Variants in PTGFR observed in about 807,000 individuals in gnomAD.
The protein encoded by PTGFR is prostaglandin F receptor.
In PTGFR, 15 loss-of-function variants were observed where a neutral mutation model predicts 26.2. The observed-to-expected ratio is 0.57, with a 90% CI of 0.38 to 0.88. The LOEUF (loss-of-function observed/expected upper bound fraction) is 0.88. Among genes scored for constraint, PTGFR ranks in the 40% least tolerant of loss-of-function variants. PTGFR has a pLI of 0.00. For synonymous variants in PTGFR, 165 were observed against 151.1 expected, an observed-to-expected ratio of 1.09 and a Z score of -0.68; for missense variants, 369 against 427.2, an observed-to-expected ratio of 0.86 and a Z score of 1.20.
At chr1:78,526,325 GAGATAGTGTTAA>G in intron 2 of PTGFR, among the ~76,000 whole-genome samples, 1 of 152,174 alleles carries the variant, frequency 6.6e-6, no homozygotes, top group East Asian at 1.9e-4. Flanking sequence ...TGCATTTCTA[GAGATAGTGTTAA>G]ATGAGATCAC....
At chr1:78,500,397 TA>T (rs1317577044) in intron 2 of PTGFR, among the ~76,000 whole-genome samples, 3 of 152,246 alleles carry the variant, frequency 2.0e-5, no homozygotes, top group Admixed American at 1.3e-4. Flanking sequence ...GAATTTCCTT[TA>T]GCTGAAAGTA....
intron 2 of PTGFR, among the ~76,000 whole-genome samples, chr1:78,510,853 TTCTCA>T (rs1649949431): frequency 6.6e-6 from 1 of 152,170 alleles, no homozygotes; most frequent in Admixed American, 6.5e-5. Context: ...TAGGTAAACA[TTCTCA>T]TTCCCAAAGG....
At chr1:78,516,292 C>G (rs1650089215) in intron 2 of PTGFR, among the ~76,000 whole-genome samples, 1 of 152,118 alleles carries the variant, frequency 6.6e-6, no homozygotes, top group Non-Finnish European at 1.5e-5. Context: ...AATCATATAA[C>G]ACAACATTAT....
chr1:78,520,550 CT>C (rs1428402791), intron 2 of PTGFR, among the ~76,000 whole-genome samples: 2 of 152,078 alleles, frequency 1.3e-5, no homozygotes, highest in African/African-American at 4.8e-5. Flanking sequence ...TGACAATCTC[CT>C]AAGAGCAGAA....
chr1:78,519,007 T>G (rs1394657423), intron 2 of PTGFR, among the ~76,000 whole-genome samples: 1 of 152,176 alleles, frequency 6.6e-6, no homozygotes, highest in Non-Finnish European at 1.5e-5. Flanking sequence ...CCCAGTTGAA[T>G]AGAATTCTTT....
chr1:78,532,362 A>ATT lies in PTGFR; in HGVS notation c.799-4042_799-4041dup, dbSNP rs1232346149. On this transcript the variant is annotated intron_variant, in intron 2 of 2. Coordinates refer to ENST00000370757, the MANE Select transcript of PTGFR (RefSeq NM_000959.4). ...GAAGTTTATGCCGTCAAGTAAATTC[A>ATT]TTTATATATATATATATATATATAT... 16 of 72,272 alleles carry ATT rather than the reference A, an allele frequency of 2.2e-4. 1 individual carries two copies. Among genetic ancestry groups the ATT allele is most frequent in the East Asian group, 1.4e-3 (3 of 2,200 alleles). The allele number at this position is 72,272 out of a possible 1,614,324, so 4.5% of individuals were successfully genotyped here. A position where few individuals can be genotyped will look rare whatever the true frequency, so the allele number is the denominator to read the frequency against.
chr1:78,524,906 A>ATTT lies in PTGFR; in HGVS notation c.799-11468_799-11466dup, dbSNP rs35641651. 6.9e-3 allele frequency among the ~76,000 whole-genome samples: 489 copies of ATTT among 70,416 alleles called. 13 individuals are homozygous for ATTT. The highest frequency in any genetic ancestry group is 0.012 in the South Asian group (21 of 1,742). 46.2% of individuals were successfully genotyped at this position (70,416 alleles called of 152,430 possible). On this transcript the variant is annotated intron_variant, in intron 2 of 2. Coordinates refer to ENST00000370757, the MANE Select transcript of PTGFR (RefSeq NM_000959.4). ...GCTCTACACTTTGGACAAATGCAAGATTTTTTTTTTTTTTTTTTTTTTTTT... is the reference window on the plus strand; with the variant it reads ...GCTCTACACTTTGGACAAATGCAAGATTTTTTTTTTTTTTTTTTTTTTTTTTTT...
chr1:78,526,966 T>G (rs948178750), intron 2 of PTGFR, among the ~76,000 whole-genome samples: 1 of 152,118 alleles, frequency 6.6e-6, no homozygotes. Context: ...GGATAGATGA[T>G]AGTCAGCAGG....
chr1:78,518,054 C>A (rs1022929939), intron 2 of PTGFR, among the ~76,000 whole-genome samples: 15 of 152,110 alleles, frequency 9.9e-5, no homozygotes, highest in Non-Finnish European at 2.1e-4. Flanking sequence ...GTGCAGCAAA[C>A]CACCATGGCA....
At chr1:78,505,695 C>T (rs1168550313) in intron 2 of PTGFR, among the ~76,000 whole-genome samples, 1 of 152,162 alleles carries the variant, frequency 6.6e-6, no homozygotes, top group Admixed American at 6.5e-5. Flanking sequence ...AGGAGTCACT[C>T]CCCACACCCC....
intron 2 of PTGFR, among the ~76,000 whole-genome samples, chr1:78,528,619 C>A (rs1650432853): frequency 6.6e-6 from 1 of 151,964 alleles, no homozygotes; most frequent in Admixed American, 6.6e-5. Flanking sequence ...TTGGCTTTTT[C>A]AAAGACAAAT....
At chr1:78,516,854 C>A (rs879549243) in intron 2 of PTGFR, among the ~76,000 whole-genome samples, 1 of 151,980 alleles carries the variant, frequency 6.6e-6, no homozygotes, top group Non-Finnish European at 1.5e-5. Context: ...TGCGAGGAAC[C>A]AGTCATCAGG....
At chr1:78,505,777 C>A (rs1461645283) in intron 2 of PTGFR, among the ~76,000 whole-genome samples, 2 of 152,156 alleles carry the variant, frequency 1.3e-5, no homozygotes, top group African/African-American at 4.8e-5. Context: ...TAAACGGAAT[C>A]TTACAATATG....
At chr1:78,525,193 T>C (rs951377132) in intron 2 of PTGFR, among the ~76,000 whole-genome samples, 6 of 151,936 alleles carry the variant, frequency 3.9e-5, no homozygotes, top group Non-Finnish European at 8.8e-5. Flanking sequence ...ACTAACTACA[T>C]GGAGTTAGTT....
intron 2 of PTGFR, among the ~76,000 whole-genome samples, chr1:78,531,805 A>G (rs370779057): frequency 2.2e-4 from 33 of 152,098 alleles, no homozygotes; most frequent in African/African-American, 7.5e-4. Flanking sequence ...ATGATGTTCT[A>G]CAAAGTAGAG....
At position 78,492,719 on chromosome 1, in the gene PTGFR, G is replaced by A. The variant is rs1649435868; in HGVS notation, c.-25G>A. 6.3e-7 allele frequency: 1 copy of A among 1,584,870 alleles called. No individual in the cohort carries two copies. Among genetic ancestry groups the A allele is most frequent in the Non-Finnish European group, 8.6e-7 (1 of 1,165,036 alleles). ...CAGTTTTGAGAGGGAGATGACTTGAGTGGTTGGCTTTTATCTCCACAACAA... is the reference window on the plus strand; with the variant it reads ...CAGTTTTGAGAGGGAGATGACTTGAATGGTTGGCTTTTATCTCCACAACAA... On this transcript the variant is annotated 5_prime_UTR_variant, in exon 2 of 3. The change creates a new upstream start codon in the 5' untranslated region. Transcript: ENST00000370757.
intron 2 of PTGFR, 45 bp from the exon 3 acceptor site, chr1:78,536,361 T>TC: frequency 6.5e-7 from 1 of 1,547,090 alleles, no homozygotes; most frequent in Non-Finnish European, 8.7e-7. Context: ...ATTATAGGAT[T>TC]GAAAAGGCTG....
At chr1:78,527,535 C>A (rs142404642) in intron 2 of PTGFR, among the ~76,000 whole-genome samples, 3 of 152,140 alleles carry the variant, frequency 2.0e-5, no homozygotes, top group East Asian at 3.9e-4. Context: ...TGGTGACATA[C>A]TTATGCTAAA....
Position 78,492,654 on chromosome 1 carries a change from T to C in PTGFR, c.-72-18T>C. 7.9e-7 allele frequency: 1 copy of C among 1,266,830 alleles called. No homozygotes were observed. The allele number at this position is 1,266,830 out of a possible 1,614,324, so 78.5% of individuals were successfully genotyped here. ...GCAGTAATGCGGTGTTCATAATTCC[T>C]CTCCCTTTATCCTACAGATGTCTGG... On this transcript the variant is annotated intron_variant, in intron 1 of 2. Transcript: ENST00000370757.
Sources: allele counts gnomAD v4.1 joint callset (sites outside exome capture counted in the v4.1 genomes callset), GRCh38; gene constraint gnomAD v4.1.1; transcripts MANE v1.5; gene names NCBI Gene and HGNC (gene_info 2026-07-23, HGNC 2026-07-21).